Variants in SPIDR observed in about 807,000 individuals in gnomAD.
The protein encoded by SPIDR is DNA repair-scaffolding protein.
In SPIDR, 93 loss-of-function variants were observed where a neutral mutation model predicts 104.6. The ratio of observed to expected loss-of-function variants is 0.89; its 90% CI spans 0.75 to 1.06. SPIDR has a LOEUF of 1.06. SPIDR is among the 50% of genes least tolerant of loss of function. SPIDR has a pLI of 0.00. For synonymous variants in SPIDR, 431 were observed against 416.9 expected, an observed-to-expected ratio of 1.03 and a Z score of -0.41; for missense variants, 1,154 against 1,111.2, an observed-to-expected ratio of 1.04 and a Z score of -0.55.
intron 8 of SPIDR, among the ~76,000 whole-genome samples, chr8:47,513,208 A>G (rs1223493009): frequency 6.6e-6 from 1 of 152,242 alleles, no homozygotes. Context: ...TTCCAATGTT[A>G]TTTCTGTACA....
intron 10 of SPIDR, among the ~76,000 whole-genome samples, 172 bp downstream of exon 10, chr8:47,599,368 TTATC>T (rs568971474): frequency 1.1e-4 from 17 of 152,218 alleles, no homozygotes; most frequent in Admixed American, 2.6e-4. Flanking sequence ...ATGAAGGATT[TTATC>T]TATCTATTTA....
chr8:47,654,804 C>T (rs1388578467), intron 10 of SPIDR, among the ~76,000 whole-genome samples: 2 of 152,040 alleles, frequency 1.3e-5, no homozygotes, highest in Non-Finnish European at 2.9e-5. Context: ...TATACACGTG[C>T]CATGTTGGTG....
At chr8:47,572,410 T>A (rs557336158) in intron 8 of SPIDR, among the ~76,000 whole-genome samples, 2 of 152,202 alleles carry the variant, frequency 1.3e-5, no homozygotes, top group Non-Finnish European at 2.9e-5. Context: ...ATGCCTGTAA[T>A]CCCAGCACTT....
At chr8:47,657,128 C>T (rs1205102907) in intron 10 of SPIDR, among the ~76,000 whole-genome samples, 2 of 152,228 alleles carry the variant, frequency 1.3e-5, no homozygotes, top group African/African-American at 4.8e-5. Flanking sequence ...CACTGTGGTA[C>T]ACTTTAAAAG....
intron 7 of SPIDR, among the ~76,000 whole-genome samples, chr8:47,435,685 A>G (rs1385511572): frequency 6.6e-6 from 1 of 152,184 alleles, no homozygotes; most frequent in African/African-American, 2.4e-5. Context: ...TTTTCAGTGC[A>G]AGTTCTGTTG....
At chr8:47,729,079 C>T in intron 18 of SPIDR, 32 bp downstream of exon 18, 9 of 1,610,546 alleles carry the variant, frequency 5.6e-6, no homozygotes, top group Non-Finnish European at 7.6e-6. Flanking sequence ...GCACGCACTC[C>T]TAGCTCACTC....
At chr8:47,335,504 G>T (rs782716202) in intron 5 of SPIDR, among the ~76,000 whole-genome samples, 9 of 152,168 alleles carry the variant, frequency 5.9e-5, no homozygotes, top group Admixed American at 1.3e-4. Context: ...AGGCTGGAGT[G>T]CAGTGGTGCA....
chr8:47,622,019 G>C (rs149640974), intron 10 of SPIDR, among the ~76,000 whole-genome samples: 20 of 152,256 alleles, frequency 1.3e-4, no homozygotes, highest in Middle Eastern at 3.4e-3. Context: ...CAGAGGGCTT[G>C]AGAATTATCT....
chr8:47,695,161 G>T (rs1018898103), intron 11 of SPIDR, among the ~76,000 whole-genome samples: 2 of 151,916 alleles, frequency 1.3e-5, no homozygotes, highest in Admixed American at 1.3e-4. Flanking sequence ...ATAAAGACTT[G>T]GCAGAAAACA....
intron 10 of SPIDR, among the ~76,000 whole-genome samples, chr8:47,608,324 A>G (rs1490091142): frequency 6.6e-6 from 1 of 152,176 alleles, no homozygotes; most frequent in Non-Finnish European, 1.5e-5. Flanking sequence ...TGAATATACC[A>G]TATTTTATTT....
chr8:47,653,930 G>C, intron 10 of SPIDR: 1 of 961,878 alleles, frequency 1.0e-6, no homozygotes, highest in Non-Finnish European at 1.2e-6. Context: ...ATGGGAATAA[G>C]AGAAGTCTTC....
At chr8:47,665,263 A>T (rs1449069387) in intron 10 of SPIDR, among the ~76,000 whole-genome samples, 1 of 152,238 alleles carries the variant, frequency 6.6e-6, no homozygotes, top group East Asian at 1.9e-4. Context: ...CATCAGAAAC[A>T]ATGGAGGCCA....
chr8:47,337,396 G>A (rs1485263291), intron 5 of SPIDR, among the ~76,000 whole-genome samples: 1 of 152,104 alleles, frequency 6.6e-6, no homozygotes, highest in African/African-American at 2.4e-5. Flanking sequence ...CTCCCAAAGT[G>A]CTGGGATTAT....
chr8:47,352,219 G>C (rs576003808), intron 5 of SPIDR, among the ~76,000 whole-genome samples: 1 of 151,358 alleles, frequency 6.6e-6, no homozygotes, highest in Admixed American at 6.6e-5. Context: ...GGAGGTCGCA[G>C]TGAGCCAAGA....
intron 7 of SPIDR, among the ~76,000 whole-genome samples, chr8:47,433,780 A>G (rs782659166): frequency 6.6e-6 from 1 of 152,232 alleles, no homozygotes; most frequent in Non-Finnish European, 1.5e-5. Flanking sequence ...GAGTCAGACT[A>G]TGGCTGGAGC....
At chr8:47,391,913 G>A (rs1224566760) in intron 5 of SPIDR, among the ~76,000 whole-genome samples, 5 of 150,048 alleles carry the variant, frequency 3.3e-5, no homozygotes, top group African/African-American at 9.8e-5. Context: ...GGAGAACGGC[G>A]TGAACCTGGG....
At chr8:47,430,099 G>A (rs1211546608) in intron 7 of SPIDR, among the ~76,000 whole-genome samples, 5 of 152,088 alleles carry the variant, frequency 3.3e-5, no homozygotes, top group Admixed American at 2.0e-4. Flanking sequence ...TGACACTGGT[G>A]AGCCTTCCCA....
At chr8:47,591,559 G>A (rs2061015096) in intron 8 of SPIDR, among the ~76,000 whole-genome samples, 1 of 151,842 alleles carries the variant, frequency 6.6e-6, no homozygotes, top group African/African-American at 2.4e-5. Context: ...TTGAAGGGGG[G>A]AATCTACATT....
intron 5 of SPIDR, among the ~76,000 whole-genome samples, chr8:47,347,133 T>G (rs1428479905): frequency 6.6e-6 from 1 of 152,202 alleles, no homozygotes; most frequent in Non-Finnish European, 1.5e-5. Context: ...TCCCAGAGAT[T>G]CTGGTATGTT....
Sources: gnomAD v4.1 joint callset for allele counts (sites outside exome capture counted in the v4.1 genomes callset) on GRCh38, gnomAD v4.1.1 for gene constraint, MANE v1.5 for transcripts, NCBI Gene and HGNC (gene_info 2026-07-23, HGNC 2026-07-21) for gene names.